Variants in BLTP3B observed in about 807,000 individuals in gnomAD.
BLTP3B encodes UHRF1 (ICBP90) binding protein 1-like.
At chr12:100,061,395 C>A in the BLTP3B span, among the ~76,000 whole-genome samples, 2 of 152,280 alleles carry the variant, frequency 1.3e-5, no homozygotes, top group South Asian at 2.1e-4. Flanking sequence ...CGGTGGCTCA[C>A]GCCTGTAATC....
At chr12:100,060,738 T>C in the BLTP3B span, among the ~76,000 whole-genome samples, 1 of 152,256 alleles carries the variant, frequency 6.6e-6, no homozygotes, top group Admixed American at 6.5e-5. Flanking sequence ...GAAATATACA[T>C]ATTTTTCTAC....
the BLTP3B span, among the ~76,000 whole-genome samples, chr12:100,065,508 A>C: frequency 1.3e-5 from 2 of 152,172 alleles, no homozygotes; most frequent in African/African-American, 2.4e-5. Context: ...AAGGAATTGC[A>C]TTCCTGGGGG....
At chr12:100,116,116 G>A in the BLTP3B span, among the ~76,000 whole-genome samples, 499 of 151,012 alleles carry the variant, frequency 3.3e-3, 2 homozygotes, top group Non-Finnish European at 5.3e-3. Flanking sequence ...AGGTTGCAGT[G>A]AGCCGAGATG....
chr12:100,044,106 T>A, the BLTP3B span, among the ~76,000 whole-genome samples: 2 of 152,306 alleles, frequency 1.3e-5, no homozygotes, highest in African/African-American at 2.4e-5. Context: ...TTGTTTTTTT[T>A]AATAAGACAG....
At chr12:100,052,591 G>C in the BLTP3B span, among the ~76,000 whole-genome samples, 1 of 152,014 alleles carries the variant, frequency 6.6e-6, no homozygotes, top group Non-Finnish European at 1.5e-5. Context: ...GATAAAGACT[G>C]AAATAAACTA....
the BLTP3B span, among the ~76,000 whole-genome samples, chr12:100,086,021 A>C: frequency 1.3e-5 from 2 of 152,028 alleles, no homozygotes; most frequent in African/African-American, 4.8e-5. Context: ...TTAAGTTTTA[A>C]ATTGGTTATT....
chr12:100,140,729 AAT>A, the BLTP3B span, among the ~76,000 whole-genome samples: 2,139 of 61,466 alleles, frequency 0.035, 152 homozygotes, highest in South Asian at 0.065. Context: ...AAAAAAAAAA[AAT>A]ATATATATAT....
chr12:100,090,642 T>C, the BLTP3B span, among the ~76,000 whole-genome samples: 10 of 152,076 alleles, frequency 6.6e-5, no homozygotes, highest in Non-Finnish European at 1.3e-4. Context: ...TAAATGAGAA[T>C]CTCTTCATGA....
At chr12:100,140,864 G>T in the BLTP3B span, among the ~76,000 whole-genome samples, 2 of 149,260 alleles carry the variant, frequency 1.3e-5, no homozygotes, top group Non-Finnish European at 3.0e-5. Flanking sequence ...ATTATACTTT[G>T]GTATGCATGC....
At chr12:100,052,325 G>A in the BLTP3B span, among the ~76,000 whole-genome samples, 1 of 152,052 alleles carries the variant, frequency 6.6e-6, no homozygotes, top group Non-Finnish European at 1.5e-5. Flanking sequence ...TTACAGGCGT[G>A]AGCCACTGTG....
At chr12:100,092,062 G>A in the BLTP3B span, among the ~76,000 whole-genome samples, 2 of 152,118 alleles carry the variant, frequency 1.3e-5, no homozygotes, top group African/African-American at 2.4e-5. Context: ...GCCTGCCTCA[G>A]CCTCCCAAAG....
the BLTP3B span, among the ~76,000 whole-genome samples, chr12:100,086,025 G>C: frequency 1.3e-5 from 2 of 151,240 alleles, no homozygotes; most frequent in African/African-American, 4.9e-5. Context: ...GTTTTAAATT[G>C]GTTATTTGGA....
chr12:100,078,785 T>C, the BLTP3B span, among the ~76,000 whole-genome samples: 1 of 152,186 alleles, frequency 6.6e-6, no homozygotes, highest in African/African-American at 2.4e-5. Flanking sequence ...GGTGATATGG[T>C]TTGGCTGTGT....
chr12:100,078,884 G>C, the BLTP3B span, among the ~76,000 whole-genome samples: 1 of 152,090 alleles, frequency 6.6e-6, no homozygotes, highest in African/African-American at 2.4e-5. Context: ...AATTATGGGG[G>C]CAAGTCTTTC....
At chr12:100,037,432 A>C in the BLTP3B span, 1 of 1,312,250 alleles carries the variant, frequency 7.6e-7, no homozygotes, top group Non-Finnish European at 9.6e-7. Flanking sequence ...GTTAAGCCCC[A>C]AAACACAAAA....
chr12:100,059,178 T>C, the BLTP3B span: 1 of 1,614,122 alleles, frequency 6.2e-7, no homozygotes. Context: ...TATCCAAAAT[T>C]GAGAAAAGTA....
chr12:100,118,250 G>A, the BLTP3B span, among the ~76,000 whole-genome samples: 9 of 152,114 alleles, frequency 5.9e-5, no homozygotes, highest in Non-Finnish European at 1.0e-4. Flanking sequence ...ATATTAGCCA[G>A]GTGTAGTGGT....
chr12:100,062,326 T>C, the BLTP3B span, among the ~76,000 whole-genome samples: 1 of 152,240 alleles, frequency 6.6e-6, no homozygotes, highest in Non-Finnish European at 1.5e-5. Context: ...AAATACAATG[T>C]GTACGTTACT....
the BLTP3B span, among the ~76,000 whole-genome samples, chr12:100,050,591 A>T: frequency 6.6e-6 from 1 of 152,184 alleles, no homozygotes; most frequent in South Asian, 2.1e-4. Context: ...ATTTCACTGC[A>T]TCAGGAGGGC....
Sources: gnomAD v4.1 joint callset for allele counts (sites outside exome capture counted in the v4.1 genomes callset) on GRCh38, gnomAD v4.1.1 for gene constraint, MANE v1.5 for transcripts, NCBI Gene and HGNC (gene_info 2026-07-23, HGNC 2026-07-21) for gene names.